The following PRKN variants were observed in gnomAD, a reference collection of about 807,000 sequenced individuals.
PRKN encodes E3 ubiquitin-protein ligase parkin.
PRKN carries 56 observed loss-of-function variants against 59.5 expected under a neutral mutation model. That is an observed-to-expected ratio of 0.94 (90% CI 0.76 to 1.18). PRKN has a LOEUF of 1.18. Among genes scored for constraint, PRKN ranks in the 50% most tolerant of loss-of-function variants. The pLI is 0.00. For missense variants in PRKN, 657 were observed against 596.4 expected, an observed-to-expected ratio of 1.10 and a Z score of -1.06; for synonymous variants, 250 against 222.1, an observed-to-expected ratio of 1.13 and a Z score of -1.12.
intron 7 of PRKN, among the ~76,000 whole-genome samples, chr6:161,625,730 T>C (rs1465739188): frequency 6.6e-6 from 1 of 152,178 alleles, no homozygotes; most frequent in African/African-American, 2.4e-5. Flanking sequence ...CATGCAATCA[T>C]GTGCACAAAT....
chr6:162,676,691 C>T (rs537376941), intron 1 of PRKN, among the ~76,000 whole-genome samples: 89 of 152,232 alleles, frequency 5.8e-4, no homozygotes, highest in African/African-American at 1.9e-3. Flanking sequence ...AAGTTACTGA[C>T]AACAGAATGT....
intron 4 of PRKN, among the ~76,000 whole-genome samples, chr6:162,111,297 C>T (rs1780424827): frequency 6.6e-6 from 1 of 152,034 alleles, no homozygotes; most frequent in Non-Finnish European, 1.5e-5. Context: ...AACCCCGTCT[C>T]TACTAAAAAT....
chr6:161,675,107 A>G (rs1318620615), intron 7 of PRKN, among the ~76,000 whole-genome samples: 1 of 152,210 alleles, frequency 6.6e-6, no homozygotes, highest in African/African-American at 2.4e-5. Context: ...ACATCCCTGA[A>G]GAATAGAAGC....
In PRKN at chr6:162,118,362, C is replaced by T. The variant is rs777449075; in HGVS notation, c.535-64188G>A. Among the ~76,000 whole-genome samples, 21 of 151,662 alleles carry T rather than the reference C, an allele frequency of 1.4e-4. No individual in the cohort carries two copies. In the East Asian group the frequency reaches 1.7e-3, roughly 13 times the overall value. On this transcript the variant is annotated intron_variant, in intron 4 of 11. Coordinates refer to ENST00000366898, the MANE Select transcript of PRKN (RefSeq NM_004562.3). ...TGGAGCTTGCAGTGAGCCGAGAACGCGCCACTGCACTCCAGCCTGGGCTAC... is the reference window on the plus strand; with the variant it reads ...TGGAGCTTGCAGTGAGCCGAGAACGTGCCACTGCACTCCAGCCTGGGCTAC...
Position 161,429,438 on chromosome 6 carries a change from G to A in PRKN, c.1084-42561C>T, listed in dbSNP as rs1249066223. Among the ~76,000 whole-genome samples the A allele has an allele frequency of 6.6e-6, 1 of 152,172 alleles. No individual in the cohort carries two copies. Among genetic ancestry groups the A allele is most frequent in the African/African-American group, 2.4e-5 (1 of 41,426 alleles). On this transcript the variant is annotated intron_variant, in intron 9 of 11. Transcript: ENST00000366898. This position sits in a 1 kb window ranked among gnomAD's most constrained non-coding sequence, Gnocchi z 4.2. ...AGGCAACCTGGGGAGCCATGGTTAAGAGGGACGGAGAAATAACACGAATGT... is the reference window on the plus strand; with the variant it reads ...AGGCAACCTGGGGAGCCATGGTTAAAAGGGACGGAGAAATAACACGAATGT...
At chr6:162,271,015 A>AGTTTTTTT (rs1554293588) in intron 2 of PRKN, among the ~76,000 whole-genome samples, 3 of 105,796 alleles carry the variant, frequency 2.8e-5, no homozygotes, top group East Asian at 6.0e-4. Context: ...CTAATTTTCT[A>AGTTTTTTT]GTTTTTTTTT....
chr6:161,421,340 A>G (rs1788098312), intron 9 of PRKN, among the ~76,000 whole-genome samples: 1 of 152,188 alleles, frequency 6.6e-6, no homozygotes, highest in African/African-American at 2.4e-5. Context: ...TAATGAGTAG[A>G]TATAGAATTT....
intron 1 of PRKN, among the ~76,000 whole-genome samples, chr6:162,617,898 T>C (rs7454819): frequency 0.19 from 29,622 of 151,984 alleles, 3,548 homozygotes; most frequent in East Asian, 0.47. Context: ...GGGGTTTCAA[T>C]GTATTAGTGC....
chr6:162,497,048 C>G (rs1404572191), intron 1 of PRKN, among the ~76,000 whole-genome samples: 1 of 152,134 alleles, frequency 6.6e-6, no homozygotes, highest in African/African-American at 2.4e-5. Flanking sequence ...TTAGATTTAT[C>G]TTAGTGATGT....
At chr6:161,541,860 AC>A (rs1779627894) in intron 9 of PRKN, among the ~76,000 whole-genome samples, 1 of 152,146 alleles carries the variant, frequency 6.6e-6, no homozygotes. Flanking sequence ...TTTCATATTT[AC>A]CTTTATTTCA....
At chr6:161,432,199 G>T (rs900619413) in intron 9 of PRKN, among the ~76,000 whole-genome samples, 19 of 152,116 alleles carry the variant, frequency 1.2e-4, no homozygotes, top group African/African-American at 4.6e-4. Context: ...GTTAAACTTT[G>T]TGAAATGGTT....
rs187911576 is a variant in PRKN at position 162,309,657 on chromosome 6, T to G, written c.172-46892A>C. On this transcript the variant is annotated intron_variant, in intron 2 of 11. Coordinates refer to ENST00000366898, the MANE Select transcript of PRKN (RefSeq NM_004562.3). ...GTAAGCTGTATGGAAAAAGTTGTAC[T>G]GTTGAAATTATTTTTAATATTATCA... Among the ~76,000 whole-genome samples the G allele has an allele frequency of 2.7e-3, 398 of 146,222 alleles. 2 individuals are homozygous for G. Among genetic ancestry groups the G allele is most frequent in the African/African-American group, 0.01 (375 of 35,924 alleles).
chr6:162,337,074 T>A (rs6911853), intron 2 of PRKN, among the ~76,000 whole-genome samples: 24,796 of 152,208 alleles, frequency 0.16, 2,227 homozygotes, highest in African/African-American at 0.22. Flanking sequence ...GACTCTTATG[T>A]ATCTTGTGAC....
intron 1 of PRKN, among the ~76,000 whole-genome samples, chr6:162,467,374 G>T (rs768497708): frequency 4.6e-5 from 7 of 151,962 alleles, no homozygotes; most frequent in Non-Finnish European, 7.4e-5. Flanking sequence ...CTTATCATGC[G>T]CTCTCCTAAA....
intron 1 of PRKN, among the ~76,000 whole-genome samples, chr6:162,601,979 G>C (rs1008041156): frequency 6.6e-6 from 1 of 152,112 alleles, no homozygotes; most frequent in Admixed American, 6.5e-5. Flanking sequence ...CATCTATTTT[G>C]TGCCAAGGAT....
chr6:162,040,572 ATTTTT>A (rs35272845), intron 5 of PRKN, among the ~76,000 whole-genome samples: 3 of 113,082 alleles, frequency 2.7e-5, no homozygotes, highest in East Asian at 2.6e-4. Context: ...ATGCCCGGCT[ATTTTT>A]TTTTTTTTTT....
At chr6:162,181,468 G>A (rs565832861) in intron 4 of PRKN, among the ~76,000 whole-genome samples, 3 of 152,240 alleles carry the variant, frequency 2.0e-5, no homozygotes, top group African/African-American at 7.2e-5. Context: ...CACATAGTAG[G>A]TATTAAATGC....
chr6:162,004,321 C>T (rs542340078), intron 5 of PRKN, among the ~76,000 whole-genome samples: 1 of 152,292 alleles, frequency 6.6e-6, no homozygotes, highest in East Asian at 1.9e-4. Flanking sequence ...TGTCTTCTGC[C>T]ATGATTAGAA....
At chr6:162,569,147 G>C (rs898301962) in intron 1 of PRKN, 1 of 620,934 alleles carries the variant, frequency 1.6e-6, no homozygotes, top group Non-Finnish European at 3.0e-6. Flanking sequence ...CTGAGGCTAA[G>C]AGCATGTACC....
Sources: allele counts gnomAD v4.1 joint callset (sites outside exome capture counted in the v4.1 genomes callset), GRCh38; gene constraint gnomAD v4.1.1; non-coding constraint Gnocchi (gnomAD v3.1); transcripts MANE v1.5; gene names NCBI Gene and HGNC (gene_info 2026-07-23, HGNC 2026-07-21).